C10orf90: variants seen among roughly 807,000 people sequenced by gnomAD.
C10orf90 encodes the protein chromosome 10 open reading frame 90.
In C10orf90, 56 loss-of-function variants were observed where a neutral mutation model predicts 62.5. That is an observed-to-expected ratio of 0.90 (90% CI 0.72 to 1.12). C10orf90 has a LOEUF of 1.12. Ranked by LOEUF, C10orf90 falls within the 50% of genes most tolerant of loss-of-function variation. The pLI, the probability that C10orf90 is intolerant of heterozygous loss-of-function variation, is 0.00. For synonymous variants in C10orf90, 386 were observed against 340.4 expected (o/e 1.13, Z -1.47); for missense variants, 970 against 880.4 (o/e 1.10, Z -1.29).
chr10:126,431,023 T>C (rs1362900777), intron 7 of C10orf90, among the ~76,000 whole-genome samples: 1 of 152,168 alleles, frequency 6.6e-6, no homozygotes, highest in Non-Finnish European at 1.5e-5. Flanking sequence ...TGTCTGGTTA[T>C]TCAGACATGA....
At chr10:126,572,232 A>G (rs769593373) in intron 2 of C10orf90, among the ~76,000 whole-genome samples, 35 of 152,158 alleles carry the variant, frequency 2.3e-4, no homozygotes, top group Non-Finnish European at 4.3e-4. Flanking sequence ...CCAAGATGGC[A>G]ATGCGAGTGA....
chr10:126,586,986 G>A (rs543643856), intron 2 of C10orf90, among the ~76,000 whole-genome samples: 1 of 152,278 alleles, frequency 6.6e-6, no homozygotes, highest in Admixed American at 6.5e-5. Flanking sequence ...CCATATGGAA[G>A]AGCGTCAGAA....
At chr10:126,490,372 G>A (rs1425221728) in intron 4 of C10orf90, among the ~76,000 whole-genome samples, 1 of 151,654 alleles carries the variant, frequency 6.6e-6, no homozygotes, top group Non-Finnish European at 1.5e-5. Flanking sequence ...AGAATGGGGA[G>A]TTAGTGTTTA....
chr10:126,559,322 T>C (rs1367838774), intron 2 of C10orf90, among the ~76,000 whole-genome samples: 1 of 152,216 alleles, frequency 6.6e-6, no homozygotes, highest in Non-Finnish European at 1.5e-5. Flanking sequence ...CATAGTAAAA[T>C]CCAGTCAAGG....
rs563446467 is a variant in C10orf90 at position 126,649,667 on chromosome 10, G to T, written c.241-3030C>A. Among the ~76,000 whole-genome samples the T allele has an allele frequency of 1.3e-4, 20 of 152,192 alleles. No homozygotes were observed. In the South Asian group the frequency reaches 1.5e-3, roughly 11 times the overall value. ...CTTTTTCCTTCAGAGCACTTGCCTTGGTTTGTAAATACACACTGATGCATG... is the reference window on the plus strand; with the variant it reads ...CTTTTTCCTTCAGAGCACTTGCCTTTGTTTGTAAATACACACTGATGCATG... On this transcript the variant is annotated intron_variant, in intron 1 of 9. Coordinates refer to ENST00000488181, the MANE Select transcript of C10orf90 (RefSeq NM_001350921.2).
intron 5 of C10orf90, among the ~76,000 whole-genome samples, chr10:126,462,070 C>T (rs559745347): frequency 2.6e-5 from 4 of 152,112 alleles, no homozygotes; most frequent in African/African-American, 4.8e-5. Context: ...GGGATGACTT[C>T]GCTTTCAAGG....
intron 2 of C10orf90, among the ~76,000 whole-genome samples, chr10:126,605,879 G>GCATGCATACATACATA (rs1845299212): frequency 7.0e-6 from 1 of 142,798 alleles, no homozygotes; most frequent in African/African-American, 3.0e-5. Context: ...ATACATACAT[G>GCATGCATACATACATA]CATACATACA....
chr10:126,640,215 C>T (rs901401258), intron 2 of C10orf90, among the ~76,000 whole-genome samples: 1 of 152,228 alleles, frequency 6.6e-6, no homozygotes, highest in Non-Finnish European at 1.5e-5. Flanking sequence ...CAGACCCCAT[C>T]CAAGCCACTT....
At chr10:126,634,794 G>A (rs570002184) in intron 2 of C10orf90, among the ~76,000 whole-genome samples, 29 of 152,274 alleles carry the variant, frequency 1.9e-4, no homozygotes, top group East Asian at 3.9e-4. Flanking sequence ...AGCATGAACC[G>A]TGGAAGAGCT....
intron 2 of C10orf90, among the ~76,000 whole-genome samples, chr10:126,578,818 A>G (rs1189319098): frequency 2.0e-5 from 3 of 152,206 alleles, no homozygotes; most frequent in Non-Finnish European, 4.4e-5. Context: ...TGTGTGAAAG[A>G]GGTCAAACAC....
intron 2 of C10orf90, among the ~76,000 whole-genome samples, chr10:126,562,536 A>G (rs1864926410): frequency 6.6e-6 from 1 of 152,214 alleles, no homozygotes; most frequent in African/African-American, 2.4e-5. Context: ...TGGGTGGCCC[A>G]AGTGACCTTG....
intron 2 of C10orf90, among the ~76,000 whole-genome samples, chr10:126,528,746 T>G (rs1484815124): frequency 6.6e-6 from 1 of 152,118 alleles, no homozygotes; most frequent in Non-Finnish European, 1.5e-5. Flanking sequence ...AGGTCCTTCT[T>G]AGAGGACATT....
At chr10:126,629,334 C>A (rs895393332) in intron 2 of C10orf90, among the ~76,000 whole-genome samples, 1 of 152,218 alleles carries the variant, frequency 6.6e-6, no homozygotes, top group Non-Finnish European at 1.5e-5. Context: ...GAGGCAGACA[C>A]TCTCTAGCAA....
chr10:126,598,042 G>C (rs1326930631), intron 2 of C10orf90, among the ~76,000 whole-genome samples: 2 of 152,146 alleles, frequency 1.3e-5, no homozygotes, highest in Non-Finnish European at 2.9e-5. Flanking sequence ...TGCCTCGTGG[G>C]CATCCAGATA....
chr10:126,644,226 T>G (rs567623549), intron 2 of C10orf90, among the ~76,000 whole-genome samples: 1 of 152,338 alleles, frequency 6.6e-6, no homozygotes, highest in African/African-American at 2.4e-5. Context: ...TCACTCTGCC[T>G]TTCGGCCGTA....
chr10:126,635,345 T>C (rs1049950052), intron 2 of C10orf90, among the ~76,000 whole-genome samples: 3 of 152,168 alleles, frequency 2.0e-5, no homozygotes, highest in African/African-American at 7.2e-5. Context: ...CTCTTCTCCA[T>C]TCAAGGCATG....
chr10:126,605,404 G>A (rs1409486434), intron 2 of C10orf90, among the ~76,000 whole-genome samples: 2 of 152,054 alleles, frequency 1.3e-5, no homozygotes, highest in Non-Finnish European at 2.9e-5. Flanking sequence ...GGTGCAAAAG[G>A]AGACTTAGTT....
At chr10:126,563,790 G>A (rs1004797423) in intron 2 of C10orf90, among the ~76,000 whole-genome samples, 2 of 152,180 alleles carry the variant, frequency 1.3e-5, no homozygotes, top group African/African-American at 4.8e-5. Context: ...GCAGCTGATG[G>A]ACATCCTGCA....
rs370604312 is a variant in C10orf90, at chr10:126,607,627, A to G, written c.313+38938T>C. Among the ~76,000 whole-genome samples the G allele has an allele frequency of 2.0e-5, 3 of 152,352 alleles. No individual in the cohort carries two copies. The East Asian group carries it at 5.8e-4, about 29-fold the overall frequency. ...TTCTGACGAGTTCAGTGGTAATATC[A>G]ATGAATTCTTTTCATATTGTAAAAT... On this transcript the variant is annotated intron_variant, in intron 2 of 9. Coordinates refer to ENST00000488181, the MANE Select transcript of C10orf90 (RefSeq NM_001350921.2).
Sources: gnomAD v4.1 joint callset for allele counts (sites outside exome capture counted in the v4.1 genomes callset) on GRCh38, gnomAD v4.1.1 for gene constraint, MANE v1.5 for transcripts, NCBI Gene and HGNC (gene_info 2026-07-23, HGNC 2026-07-21) for gene names.